Variants in DGKB observed in about 807,000 individuals in gnomAD.
DGKB encodes 90 kDa diacylglycerol kinase.
DGKB carries 67 observed loss-of-function variants against 114.3 expected under a neutral mutation model. That is an observed-to-expected ratio of 0.59 (90% CI 0.48 to 0.72). DGKB has a LOEUF of 0.72. DGKB is among the 30% of genes least tolerant of loss of function. The pLI, the probability that DGKB is intolerant of heterozygous loss-of-function variation, is 0.00. For synonymous variants in DGKB, 398 were observed against 323.1 expected, an observed-to-expected ratio of 1.23 and a Z score of -2.49; for missense variants, 907 against 975.2, an observed-to-expected ratio of 0.93 and a Z score of 0.93.
intron 17 of DGKB, among the ~76,000 whole-genome samples, chr7:14,596,112 T>G (rs1172486905): frequency 6.6e-6 from 1 of 152,190 alleles, no homozygotes; most frequent in Non-Finnish European, 1.5e-5. Flanking sequence ...TTATAAAACA[T>G]GTACTTTACA....
chr7:14,831,112 G>A (rs2128122395), intron 2 of DGKB, among the ~76,000 whole-genome samples: 1 of 151,886 alleles, frequency 6.6e-6, no homozygotes. Flanking sequence ...TGAAAAAGTA[G>A]GGCACAAATA....
chr7:14,912,757 T>G (rs1263433313), intron 1 of DGKB, among the ~76,000 whole-genome samples: 1 of 152,138 alleles, frequency 6.6e-6, no homozygotes, highest in East Asian at 1.9e-4. Flanking sequence ...TGATGTTAAC[T>G]GTGGCTCCAG....
At chr7:14,473,030 A>C (rs1278813184) in intron 21 of DGKB, among the ~76,000 whole-genome samples, 2 of 152,158 alleles carry the variant, frequency 1.3e-5, no homozygotes, top group Non-Finnish European at 2.9e-5. Flanking sequence ...TTCTGAGGAG[A>C]AATTCAAGCA....
At position 14,341,829 on chromosome 7, in the gene DGKB, A is replaced by G. The variant is rs80040674; in HGVS notation, c.1927-3119T>C. ...ACTTAACATGTCAGTTGATAGGACT[A>G]TTCAAAACATGTGAAGAACTTTGGA... is the stretch of plus-strand genomic sequence containing the variant. On this transcript the variant is annotated intron_variant, in intron 22 of 25. Transcript: ENST00000402815. Among the ~76,000 whole-genome samples, 173 of 152,038 alleles carry G rather than the reference A, an allele frequency of 1.1e-3. 2 individuals carry two copies. The East Asian group carries it at 0.03, about 27-fold the overall frequency.
chr7:14,279,973 G>A (rs1033261659), intron 23 of DGKB, among the ~76,000 whole-genome samples: 8 of 152,224 alleles, frequency 5.3e-5, no homozygotes, highest in East Asian at 1.9e-4. Context: ...CCAAAGGAAC[G>A]CAGCTCCTCA....
chr7:14,778,992 C>T (rs989100879), intron 2 of DGKB, among the ~76,000 whole-genome samples: 2 of 152,104 alleles, frequency 1.3e-5, no homozygotes, highest in South Asian at 2.1e-4. Context: ...CCCACCTCTA[C>T]TAAAACTACA....
chr7:14,752,492 C>T (rs939784310), intron 4 of DGKB, among the ~76,000 whole-genome samples: 5 of 152,102 alleles, frequency 3.3e-5, no homozygotes, highest in African/African-American at 7.2e-5. Context: ...GAAACATGTA[C>T]GGAGGAAATC....
intron 9 of DGKB, among the ~76,000 whole-genome samples, chr7:14,693,634 C>T (rs1422487075): frequency 6.6e-6 from 1 of 150,948 alleles, no homozygotes; most frequent in East Asian, 2.0e-4. Context: ...ATCTTTAAAC[C>T]ACTGGAGATA....
At chr7:14,620,711 G>C (rs867264906) in intron 15 of DGKB, among the ~76,000 whole-genome samples, 34 of 151,672 alleles carry the variant, frequency 2.2e-4, no homozygotes, top group African/African-American at 8.0e-4. Context: ...AAAAAATAGA[G>C]GTAAGTAAAT....
At chr7:14,392,995 G>GTTTTGTTTTTTTGTT (rs1554404749) in intron 21 of DGKB, among the ~76,000 whole-genome samples, 4 of 60,546 alleles carry the variant, frequency 6.6e-5, no homozygotes, top group Admixed American at 2.3e-4. Flanking sequence ...TTTTGTTTTT[G>GTTTTGTTTTTTTGTT]TTTTTTTTTT....
chr7:14,660,057 C>A (rs1310696269), intron 13 of DGKB, among the ~76,000 whole-genome samples: 1 of 151,226 alleles, frequency 6.6e-6, no homozygotes, highest in Non-Finnish European at 1.5e-5. Flanking sequence ...GTGTATTGAA[C>A]CAGCCTTGCA....
intron 25 of DGKB, among the ~76,000 whole-genome samples, chr7:14,171,969 T>C (rs1424554116): frequency 6.6e-6 from 1 of 152,156 alleles, no homozygotes; most frequent in Non-Finnish European, 1.5e-5. Context: ...TCCAACGTAA[T>C]GTTGTTATTG....
chr7:14,557,724 TA>T (rs755527700), intron 20 of DGKB, among the ~76,000 whole-genome samples: 20 of 151,406 alleles, frequency 1.3e-4, no homozygotes, highest in East Asian at 1.9e-4. Context: ...CCATTTTACC[TA>T]AAAAAAAATT....
intron 23 of DGKB, among the ~76,000 whole-genome samples, chr7:14,242,177 T>C (rs1793778393): frequency 6.6e-6 from 1 of 152,216 alleles, no homozygotes; most frequent in Non-Finnish European, 1.5e-5. Context: ...GACATAATTT[T>C]CCTTCACAGA....
intron 23 of DGKB, among the ~76,000 whole-genome samples, chr7:14,279,281 G>A (rs1268077355): frequency 1.3e-5 from 2 of 152,168 alleles, no homozygotes; most frequent in East Asian, 3.9e-4. Context: ...AGATCAAACT[G>A]CAAGGCGGCA....
At chr7:14,179,299 C>G (rs1050222733) in intron 23 of DGKB, among the ~76,000 whole-genome samples, 4 of 152,156 alleles carry the variant, frequency 2.6e-5, no homozygotes, top group Non-Finnish European at 5.9e-5. Flanking sequence ...TGCTGAGACC[C>G]TTGATTTGGA....
chr7:14,269,448 T>G (rs1232148651), intron 23 of DGKB, among the ~76,000 whole-genome samples: 2 of 152,176 alleles, frequency 1.3e-5, no homozygotes, highest in Non-Finnish European at 2.9e-5. Context: ...GTCTGTTTGG[T>G]TCTGAATTAG....
chr7:14,156,353 C>T (rs2128219288), intron 25 of DGKB, among the ~76,000 whole-genome samples: 1 of 152,148 alleles, frequency 6.6e-6, no homozygotes, highest in African/African-American at 2.4e-5. Context: ...GGTTGGCAAA[C>T]ATGTTCTGTA....
intron 23 of DGKB, among the ~76,000 whole-genome samples, chr7:14,213,425 C>G (rs1179471010): frequency 9.9e-5 from 15 of 152,130 alleles, no homozygotes. Flanking sequence ...ATGGATTTGT[C>G]ACTTTTCTGT....
Sources: allele counts gnomAD v4.1 joint callset (sites outside exome capture counted in the v4.1 genomes callset), GRCh38; gene constraint gnomAD v4.1.1; transcripts MANE v1.5; gene names NCBI Gene and HGNC (gene_info 2026-07-23, HGNC 2026-07-21).